ABCA12: variants seen among roughly 807,000 people sequenced by gnomAD.
ABCA12 encodes the protein ATP binding cassette subfamily A member 12, also known as glucosylceramide transporter ABCA12.
ABCA12 carries 156 observed loss-of-function variants against 293.5 expected under a neutral mutation model. The observed-to-expected ratio is 0.53, with a 90% CI of 0.47 to 0.61. The LOEUF (loss-of-function observed/expected upper bound fraction) is 0.61, where lower values mean the gene tolerates loss of function less well. Ranked by LOEUF, ABCA12 falls within the 20% of genes least tolerant of loss-of-function variation. The pLI is 0.00. For missense variants in ABCA12, 2,797 were observed against 3,090.2 expected, an observed-to-expected ratio of 0.91 and a Z score of 2.25; for synonymous variants, 1,063 against 1,108.0, an observed-to-expected ratio of 0.96 and a Z score of 0.81.
Position 214,990,817 on chromosome 2 carries a change from T to C in ABCA12, c.3509A>G (p.Asn1170Ser). ...AMSYLISVFFNNTNIAALIGS... is the reference protein window; with the variant it reads ...AMSYLISVFFSNTNIAALIGS... ...GATCAGAGCTGCAATGTTGGTGTTG[T>C]TGAAGAAGACACTGATAAGATAGCT... The change falls in exon 24 of 53, where the codon AAC becomes AGC. Residue 1170 changes from asparagine (N) to serine (S), a missense_variant. Asn to Ser is a conservative substitution (Grantham distance 46). Transcript: ENST00000272895. 1 of 1,614,150 alleles carries C rather than the reference T, an allele frequency of 6.2e-7. No individual in the cohort carries two copies. Among genetic ancestry groups the C allele is most frequent in the East Asian group, 2.2e-5 (1 of 44,876 alleles).
chr2:214,988,954 A>C (rs1197883982), intron 26 of ABCA12, among the ~76,000 whole-genome samples: 2 of 151,392 alleles, frequency 1.3e-5, no homozygotes, highest in Non-Finnish European at 2.9e-5. Context: ...CAAGGCGGGC[A>C]GATGACTTGA....
chr2:214,983,347 A>C (rs1308779006), intron 29 of ABCA12, among the ~76,000 whole-genome samples: 1 of 152,166 alleles, frequency 6.6e-6, no homozygotes, highest in Non-Finnish European at 1.5e-5. Context: ...GAGATGAGTG[A>C]AATCCAAGAA....
chr2:215,115,480 A>G (rs1397535454), intron 1 of ABCA12, among the ~76,000 whole-genome samples: 1 of 152,188 alleles, frequency 6.6e-6, no homozygotes, highest in Non-Finnish European at 1.5e-5. Flanking sequence ...TTAATTTTAC[A>G]CATATAGACA....
intron 20 of ABCA12, among the ~76,000 whole-genome samples, chr2:215,003,414 A>C (rs181325322): frequency 6.6e-6 from 1 of 152,054 alleles, no homozygotes; most frequent in African/African-American, 2.4e-5. Context: ...TTTTCTTTTG[A>C]GTCTCCCCAT....
At chr2:215,075,128 C>G (rs1304317762) in intron 2 of ABCA12, among the ~76,000 whole-genome samples, 4 of 151,982 alleles carry the variant, frequency 2.6e-5, no homozygotes, top group South Asian at 2.1e-4. Context: ...ATCCATTATT[C>G]CAGTGGCTAA....
intron 2 of ABCA12, among the ~76,000 whole-genome samples, chr2:215,066,418 GA>G (rs1701641333): frequency 6.6e-6 from 1 of 151,948 alleles, no homozygotes; most frequent in African/African-American, 2.4e-5. Context: ...AGACACTCAA[GA>G]AAAGCCATAT....
chr2:215,100,835 T>C (rs1289634961), intron 2 of ABCA12, among the ~76,000 whole-genome samples: 2 of 152,220 alleles, frequency 1.3e-5, no homozygotes, highest in Non-Finnish European at 2.9e-5. Context: ...TTTCTCATTC[T>C]TCTGATATTT....
chr2:215,026,896 T>C lies in ABCA12; in HGVS notation c.1104A>G (p.Ile368Met). The change falls in exon 10 of 53, where the codon ATA becomes ATG. Residue 368 changes from isoleucine (I) to methionine (M), a missense_variant. By Grantham distance (10) the Ile-to-Met change is conservative (BLOSUM62 1). This residue lies in a region of ABCA12 where 656 missense variants were observed against 638.2 expected (regional missense o/e 1.03). Coordinates refer to ENST00000272895, the MANE Select transcript of ABCA12 (RefSeq NM_173076.3). ...LENFEDALLN[I>M]SANSPYIPYL... ...AAGGAATATAAGGACTATTTGCTGA[T>C]ATATTTAAGAGGGCATCTTCAAAGT... The C allele has an allele frequency of 6.2e-7, 1 of 1,613,380 alleles. No individual in the cohort carries two copies.
intron 2 of ABCA12, among the ~76,000 whole-genome samples, chr2:215,079,024 A>G (rs189778759): frequency 6.2e-4 from 95 of 152,260 alleles, no homozygotes; most frequent in African/African-American, 2.1e-3. Context: ...TTTTTTATGC[A>G]TATTTAGTGA....
chr2:215,011,925 A>T (rs374464976), intron 16 of ABCA12, 46 bp downstream of exon 16: 1 of 1,589,274 alleles, frequency 6.3e-7, no homozygotes. Flanking sequence ...ACTCAATATG[A>T]CAGAAGGCAT....
chr2:215,075,224 T>C (rs74513278), intron 2 of ABCA12, among the ~76,000 whole-genome samples: 1,929 of 152,214 alleles, frequency 0.013, 13 homozygotes, highest in Middle Eastern at 0.024. Flanking sequence ...TCGACACTTC[T>C]AAAGGGGTCA....
intron 39 of ABCA12, chr2:214,963,325 T>TA (rs961007880): frequency 6.6e-6 from 1 of 151,904 alleles, no homozygotes; most frequent in African/African-American, 2.4e-5. Flanking sequence ...AAAAAATGGA[T>TA]AAATTTCTGG....
chr2:215,116,959 T>C (rs1364283927), intron 1 of ABCA12, among the ~76,000 whole-genome samples: 1 of 152,204 alleles, frequency 6.6e-6, no homozygotes, highest in African/African-American at 2.4e-5. Flanking sequence ...AATTCTAAAC[T>C]GGATCCTTTT....
chr2:214,958,188 CTAGAG>C (rs1024165553), intron 41 of ABCA12, 84 bp downstream of exon 41: 1 of 1,522,710 alleles, frequency 6.6e-7, no homozygotes, highest in African/African-American at 1.4e-5. Context: ...TTTGAACAAA[CTAGAG>C]TAAATAACTC....
intron 33 of ABCA12, 61 bp from the exon 34 acceptor site, chr2:214,976,098 T>C: frequency 1.3e-6 from 2 of 1,597,736 alleles, no homozygotes. Flanking sequence ...ATAAAATAAC[T>C]TCAGAAACTA....
rs990329856 is a variant in ABCA12 at position 215,080,370 on chromosome 2, G to A, written c.164-16151C>T. Among the ~76,000 whole-genome samples the A allele has an allele frequency of 3.3e-5, 5 of 151,944 alleles. No individual in the cohort carries two copies. In the South Asian group the frequency reaches 6.2e-4, roughly 19 times the overall value. On this transcript the variant is annotated intron_variant, in intron 2 of 52. Transcript: ENST00000272895. ...AAAAATTAGCCGGACGTGGTAGTGCGTGCCTGTAGTCCCAGCTACTCAGGA... is the reference window on the plus strand; with the variant it reads ...AAAAATTAGCCGGACGTGGTAGTGCATGCCTGTAGTCCCAGCTACTCAGGA...
chr2:215,036,814 G>T, intron 8 of ABCA12, 139 bp downstream of exon 8: 1 of 766,624 alleles, frequency 1.3e-6, no homozygotes, highest in Non-Finnish European at 2.2e-6. Context: ...ATTAACTCGA[G>T]ATCCAGATTT....
chr2:215,015,523 C>T lies in ABCA12; in HGVS notation c.1923G>A (p.Leu641=). ...RQSYLIGLTL[L]HYLNIYNFTY... ...TGAAGTTGTAAATGTTTAAGTAGTG[C>T]AGAAGGGTGAGTCCGATGAGGTAAG... The change falls in exon 15 of 53, where the codon CTG becomes CTA. Residue 641 remains leucine, a synonymous_variant. Transcript: ENST00000272895. 6.2e-7 allele frequency: 1 copy of T among 1,614,060 alleles called. No homozygotes were observed. The highest frequency in any genetic ancestry group is 8.5e-7 in the Non-Finnish European group (1 of 1,179,966).
rs553217233 is a variant in ABCA12, at chr2:215,003,575, T to C, written c.2683+634A>G. Reference sequence around the variant, plus strand: ...CTTGTCCTTAAGGACTTGCATTTCATCAAGTCACTAAAATAAAGTGCTCCC... The same window carrying C: ...CTTGTCCTTAAGGACTTGCATTTCACCAAGTCACTAAAATAAAGTGCTCCC... On this transcript the variant is annotated intron_variant, in intron 20 of 52. Transcript: ENST00000272895. Among the ~76,000 whole-genome samples the C allele has an allele frequency of 2.0e-5, 3 of 152,180 alleles. No homozygotes were observed. In the East Asian group the frequency reaches 5.8e-4, roughly 29 times the overall value.
Sources: gnomAD v4.1 joint callset for allele counts (sites outside exome capture counted in the v4.1 genomes callset) on GRCh38, gnomAD v4.1.1 for gene constraint, gnomAD v4.1.1 regional missense constraint, MANE v1.5 for transcripts, NCBI Gene and HGNC (gene_info 2026-07-23, HGNC 2026-07-21) for gene names.